RASA3: variants seen among roughly 807,000 people sequenced by gnomAD.
RASA3 encodes RAS p21 protein activator 3, also known as ras GTPase-activating protein 3.
Under a neutral mutation model 110.0 loss-of-function variants are expected in RASA3, and 73 were observed. That is an observed-to-expected ratio of 0.66 (90% CI 0.55 to 0.81). The LOEUF is 0.81. RASA3 is among the 30% of genes least tolerant of loss of function. RASA3 has a pLI of 0.00. For synonymous variants in RASA3, 500 were observed against 451.4 expected, an observed-to-expected ratio of 1.11 and a Z score of -1.37; for missense variants, 976 against 1,113.2, an observed-to-expected ratio of 0.88 and a Z score of 1.75.
In RASA3 at chr13:114,065,602, C is replaced by T. The variant is rs2079433264; in HGVS notation, c.173+8118G>A. Among the ~76,000 whole-genome samples, 2 of 152,196 alleles carry T rather than the reference C, an allele frequency of 1.3e-5. No homozygotes were observed. Among genetic ancestry groups the T allele is most frequent in the Non-Finnish European group, 2.9e-5 (2 of 68,026 alleles). On this transcript the variant is annotated intron_variant, in intron 2 of 23. Transcript: ENST00000334062. This position sits in a 1 kb window ranked among gnomAD's most constrained non-coding sequence, Gnocchi z 4.1. ...GGAGGCAAAACACACCCATCAGAAG[C>T]ACATGGCCAGTGCAGGGCCACACAG...
In RASA3 at chr13:114,014,124, TTGTCTCTCTC is replaced by T. The variant is rs1267697790; in HGVS notation, c.1406-886_1406-877del. On this transcript the variant is annotated intron_variant, in intron 14 of 23. Coordinates refer to ENST00000334062, the MANE Select transcript of RASA3 (RefSeq NM_007368.4). The surrounding 1 kb of genome is among the most constrained non-coding windows in gnomAD (Gnocchi z 4.5). ...TCTCCCTGTCTCTCTCTCTCTCTCC[TTGTCTCTCTC>T]TGTCTCTCTCCTTCTGTCTCTGCCT... Among the ~76,000 whole-genome samples, 4 of 143,336 alleles carry T rather than the reference TTGTCTCTCTC, an allele frequency of 2.8e-5. No individual in the cohort carries two copies. Among genetic ancestry groups the T allele is most frequent in the African/African-American group, 1.0e-4 (4 of 38,482 alleles). The allele number at this position is 143,336 out of a possible 152,430, so 94.0% of individuals were successfully genotyped here.
chr13:114,011,094 G>A lies in RASA3; in HGVS notation c.1590+77C>T. 18 of 1,318,712 alleles carry A rather than the reference G, an allele frequency of 1.4e-5. No individual in the cohort carries two copies. The highest frequency in any genetic ancestry group is 1.8e-5 in the Non-Finnish European group (17 of 926,494). 81.7% of individuals were successfully genotyped at this position (1,318,712 alleles called of 1,614,324 possible). On this transcript the variant is annotated intron_variant, in intron 16 of 23. Coordinates refer to ENST00000334062, the MANE Select transcript of RASA3 (RefSeq NM_007368.4). This position sits in a 1 kb window ranked among gnomAD's most constrained non-coding sequence, Gnocchi z 4.8. ...CTTACGACTCTCTCAAATGTGGGAG[G>A]TTTTTCACGTGTATTTTCTGAAGAG... is the stretch of plus-strand genomic sequence containing the variant.
intron 3 of RASA3, among the ~76,000 whole-genome samples, chr13:114,042,873 G>A (rs1241829304): frequency 2.0e-5 from 3 of 152,200 alleles, no homozygotes; most frequent in East Asian, 1.9e-4. Context: ...TGACCCTGGA[G>A]GAGCAGGTAC....
chr13:114,107,059 A>G (rs568166269), intron 1 of RASA3, among the ~76,000 whole-genome samples: 1 of 152,352 alleles, frequency 6.6e-6, no homozygotes, highest in African/African-American at 2.4e-5. Flanking sequence ...TCTCTCGTGC[A>G]CGGCCACATC....
In RASA3 at chr13:113,981,807, G is replaced by A. The variant is rs79171799; in HGVS notation, c.2297C>T (p.Ser766Leu). The A allele has an allele frequency of 1.1e-4, 177 of 1,613,964 alleles. No individual in the cohort carries two copies. The East Asian group carries it at 3.5e-3, about 32-fold the overall frequency. ...VYDGPEQEEY[S>L]TFVIDDPQET... ...CTGGGGGTCGTCAATGACGAACGTC[G>A]AATACTCCTCCTGCTCCGGGCCGTC... Residue 766 changes from serine to leucine, a missense_variant, in exon 23 of 24, where the codon TCG (serine) becomes TTG (leucine). By Grantham distance (145) the Ser-to-Leu change is moderately radical (BLOSUM62 -2). Coordinates refer to ENST00000334062, the MANE Select transcript of RASA3 (RefSeq NM_007368.4).
intron 5 of RASA3, among the ~76,000 whole-genome samples, chr13:114,028,193 G>A (rs1359723878): frequency 1.4e-5 from 2 of 143,524 alleles, no homozygotes; most frequent in Non-Finnish European, 3.0e-5. Flanking sequence ...ATCTAAAGCA[G>A]CGTCATCGGG....
At chr13:114,023,759 G>A (rs1386661153) in intron 8 of RASA3, among the ~76,000 whole-genome samples, 1 of 152,238 alleles carries the variant, frequency 6.6e-6, no homozygotes, top group Admixed American at 6.5e-5. Flanking sequence ...ATGGGCAAAG[G>A]CTGAAGATGC....
At chr13:114,033,943 C>A (rs2054230917) in intron 4 of RASA3, among the ~76,000 whole-genome samples, 1 of 152,250 alleles carries the variant, frequency 6.6e-6, no homozygotes, top group South Asian at 2.1e-4. Flanking sequence ...CAACAAAGAC[C>A]CCACCAAGAC....
intron 22 of RASA3, among the ~76,000 whole-genome samples, chr13:113,991,949 ACACT>A (rs10562501): frequency 0.014 from 2,047 of 149,708 alleles, 31 homozygotes; most frequent in African/African-American, 0.046. Context: ...ACATTCACAC[ACACT>A]CACACACGTC....
Position 114,107,054 on chromosome 13 carries a change from C to T in RASA3, c.55+25381G>A, listed in dbSNP as rs370845080. Among the ~76,000 whole-genome samples the T allele has an allele frequency of 6.9e-4, 105 of 152,380 alleles. 2 individuals carry two copies. The South Asian group carries it at 0.017, about 24-fold the overall frequency. On this transcript the variant is annotated intron_variant, in intron 1 of 23. Coordinates refer to ENST00000334062, the MANE Select transcript of RASA3 (RefSeq NM_007368.4). ...GTGTGCACGCCCACACCTCCTCTCT[C>T]GTGCACGGCCACATCTGGATCAGAT...
chr13:114,017,982 G>C (rs757704127), intron 11 of RASA3, 122 bp downstream of exon 11: 8 of 1,138,648 alleles, frequency 7.0e-6, no homozygotes, highest in Non-Finnish European at 8.2e-6. Context: ...GAATCAACAT[G>C]GTTTCTGGGG....
intron 9 of RASA3, among the ~76,000 whole-genome samples, chr13:114,019,606 CG>C (rs2139314145): frequency 6.8e-6 from 1 of 146,214 alleles, no homozygotes; most frequent in East Asian, 2.1e-4. Context: ...TGGTGGAGCC[CG>C]TGTCCGAGAC....
intron 1 of RASA3, among the ~76,000 whole-genome samples, chr13:114,110,088 C>T (rs2080196642): frequency 6.6e-6 from 1 of 152,250 alleles, no homozygotes; most frequent in South Asian, 2.1e-4. Flanking sequence ...CAGGTGGCTG[C>T]AGCCTGGGTG....
At chr13:114,127,733 C>T (rs2080469134) in intron 1 of RASA3, among the ~76,000 whole-genome samples, 1 of 152,082 alleles carries the variant, frequency 6.6e-6, no homozygotes, top group South Asian at 2.1e-4. Flanking sequence ...CTGGGCAACA[C>T]AGTGAGGCCC....
intron 8 of RASA3, 132 bp downstream of exon 8, chr13:114,024,147 T>C (rs984149569): frequency 9.2e-5 from 88 of 954,916 alleles, no homozygotes; most frequent in Non-Finnish European, 1.4e-4. Context: ...TCTAACATCC[T>C]GTTGTGAAAA....
Position 114,027,577 on chromosome 13 carries a change from A to G in RASA3, c.531-116T>C, listed in dbSNP as rs549811401. On this transcript the variant is annotated intron_variant, in intron 6 of 23. Transcript: ENST00000334062. ...CACTTATTGGCTTTATTTATTTTAT[A>G]AATATTTCTGCTGGTCTCCAACTCC... is the stretch of plus-strand genomic sequence containing the variant. The G allele has an allele frequency of 1.4e-4, 121 of 846,712 alleles. No individual in the cohort carries two copies. The South Asian group carries it at 1.6e-3, about 11-fold the overall frequency. 52.4% of individuals were successfully genotyped at this position (846,712 alleles called of 1,614,324 possible).
intron 2 of RASA3, among the ~76,000 whole-genome samples, chr13:114,053,117 G>A (rs1007322468): frequency 1.3e-5 from 2 of 152,048 alleles, no homozygotes; most frequent in African/African-American, 4.8e-5. Flanking sequence ...GCCGCTGACT[G>A]TACTTAAAGT....
chr13:114,101,203 G>C (rs1310120225), intron 1 of RASA3, among the ~76,000 whole-genome samples: 1 of 152,210 alleles, frequency 6.6e-6, no homozygotes, highest in Non-Finnish European at 1.5e-5. Flanking sequence ...GAGAGGCCCA[G>C]AAAAAGGGAC....
chr13:114,098,078 C>T (rs971800300), intron 1 of RASA3, among the ~76,000 whole-genome samples: 4 of 152,188 alleles, frequency 2.6e-5, no homozygotes, highest in Admixed American at 2.6e-4. Context: ...CCCAGGCCGG[C>T]TGCCAGCACA....
Sources: gnomAD v4.1 joint callset for allele counts (sites outside exome capture counted in the v4.1 genomes callset) on GRCh38, gnomAD v4.1.1 for gene constraint, Gnocchi (gnomAD v3.1) non-coding constraint, MANE v1.5 for transcripts, NCBI Gene and HGNC (gene_info 2026-07-23, HGNC 2026-07-21) for gene names.